The following FILIP1L variants were observed in gnomAD, a reference collection of about 807,000 sequenced individuals.
FILIP1L encodes the protein filamin A-interacting protein 1-like.
Under a neutral mutation model 96.6 loss-of-function variants are expected in FILIP1L, and 55 were observed. The observed-to-expected ratio is 0.57, with a 90% CI of 0.46 to 0.71. The LOEUF (loss-of-function observed/expected upper bound fraction) is 0.71. FILIP1L is among the 30% of genes least tolerant of loss of function. FILIP1L has a pLI of 0.00. For missense variants in FILIP1L, 1,304 were observed against 1,321.2 expected, an observed-to-expected ratio of 0.99 and a Z score of 0.20; for synonymous variants, 467 against 473.9, an observed-to-expected ratio of 0.99 and a Z score of 0.19.
chr3:99,858,934 A>G lies in FILIP1L; in HGVS notation c.606-7864T>C, dbSNP rs147903280. Among the ~76,000 whole-genome samples the G allele has an allele frequency of 1.4e-4, 22 of 152,296 alleles. 1 individual carries two copies. Among genetic ancestry groups the G allele is most frequent in the Middle Eastern group, 6.8e-3 (2 of 294 alleles). On this transcript the variant is annotated intron_variant, in intron 4 of 5. Transcript: ENST00000477258. ...TGCTTCATCCTGATGAAGTCCCCCAATTCACTGGCTTAGTCACTGCTTTGA... is the reference window on the plus strand; with the variant it reads ...TGCTTCATCCTGATGAAGTCCCCCAGTTCACTGGCTTAGTCACTGCTTTGA...
intron 4 of FILIP1L, among the ~76,000 whole-genome samples, chr3:99,870,552 G>A (rs1944736650): frequency 1.3e-5 from 2 of 152,198 alleles, no homozygotes; most frequent in African/African-American, 4.8e-5. Context: ...TGTGGTACCA[G>A]TCCATGCTAG....
chr3:100,039,852 C>G (rs2065173828), intron 1 of FILIP1L: 1 of 151,554 alleles, frequency 6.6e-6, no homozygotes, highest in African/African-American at 2.4e-5. Context: ...CTCCCAGGTT[C>G]ACACCATTCT....
At position 100,085,548 on chromosome 3, in the gene FILIP1L, C is replaced by T. The variant is rs184318673; in HGVS notation, c.-11+28505G>A. The stretch of plus-strand genomic sequence containing the variant: ...TCCCCATTTCTTCCTCTCTTATCAA[C>T]CAAGACCCCTCTGTGTTCCTCTTTC... On this transcript the variant is annotated intron_variant, in intron 1 of 5. Coordinates refer to ENST00000477258, the MANE Select transcript of FILIP1L (RefSeq NM_001387850.1). 1.2e-3 allele frequency among the ~76,000 whole-genome samples: 186 copies of T among 152,304 alleles called. 1 individual carries two copies. The highest frequency in any genetic ancestry group is 3.4e-3 in the Middle Eastern group (1 of 294).
At chr3:100,049,437 A>G (rs889055579) in intron 1 of FILIP1L, among the ~76,000 whole-genome samples, 1 of 152,192 alleles carries the variant, frequency 6.6e-6, no homozygotes, top group Admixed American at 6.5e-5. Flanking sequence ...ATATGGCACT[A>G]GAGTGTCATA....
chr3:99,981,619 C>T (rs758763983), intron 1 of FILIP1L, among the ~76,000 whole-genome samples: 3 of 152,182 alleles, frequency 2.0e-5, no homozygotes, highest in South Asian at 2.1e-4. Context: ...TATGAATCCC[C>T]GTTTTGCAAG....
intron 5 of FILIP1L, among the ~76,000 whole-genome samples, chr3:99,839,550 C>T (rs1259583411): frequency 1.3e-5 from 2 of 152,120 alleles, no homozygotes; most frequent in African/African-American, 4.8e-5. Context: ...AAAACCAATT[C>T]CCTTCTCCCC....
At chr3:100,006,622 A>G (rs1003934053) in intron 1 of FILIP1L, among the ~76,000 whole-genome samples, 3 of 151,974 alleles carry the variant, frequency 2.0e-5, no homozygotes, top group African/African-American at 7.2e-5. Context: ...GAATGATGAG[A>G]ATTCAGCTCA....
chr3:100,021,866 C>A (rs1187370821), intron 1 of FILIP1L, among the ~76,000 whole-genome samples: 3 of 148,920 alleles, frequency 2.0e-5, no homozygotes, highest in Non-Finnish European at 4.4e-5. Flanking sequence ...GGAAGAATAG[C>A]TGATACTTTA....
chr3:99,909,862 A>G (rs1054376602), intron 4 of FILIP1L, among the ~76,000 whole-genome samples: 25 of 152,148 alleles, frequency 1.6e-4, no homozygotes, highest in African/African-American at 5.3e-4. Context: ...ACAGTCTGCA[A>G]CCCCTTTCCT....
intron 1 of FILIP1L, among the ~76,000 whole-genome samples, chr3:100,066,770 A>G (rs1344776583): frequency 1.1e-5 from 1 of 94,538 alleles, no homozygotes; most frequent in Non-Finnish European, 2.5e-5. Flanking sequence ...TGACCTCGTG[A>G]TCCGCCCGCC....
intron 4 of FILIP1L, among the ~76,000 whole-genome samples, chr3:99,869,186 A>G (rs1477364029): frequency 6.6e-6 from 1 of 152,200 alleles, no homozygotes; most frequent in Non-Finnish European, 1.5e-5. Context: ...TGAAGAGAAG[A>G]ATTCACTTGG....
chr3:99,982,096 T>C (rs1399712698), intron 1 of FILIP1L, among the ~76,000 whole-genome samples: 1 of 152,252 alleles, frequency 6.6e-6, no homozygotes, highest in Non-Finnish European at 1.5e-5. Flanking sequence ...CGGTTGTTAG[T>C]CTTGGTTTTG....
intron 5 of FILIP1L, among the ~76,000 whole-genome samples, chr3:99,830,955 C>G (rs1269432501): frequency 1.3e-5 from 2 of 152,162 alleles, no homozygotes; most frequent in African/African-American, 2.4e-5. Context: ...ATGAGATTGT[C>G]TTTAAGAGTG....
intron 4 of FILIP1L, chr3:99,898,193 T>C (rs1706321335): frequency 6.6e-6 from 1 of 152,220 alleles, no homozygotes; most frequent in Admixed American, 6.5e-5. Flanking sequence ...TATTTTGACA[T>C]TTTTGAAGGT....
At chr3:100,073,304 A>G (rs2065792641) in intron 1 of FILIP1L, among the ~76,000 whole-genome samples, 1 of 152,220 alleles carries the variant, frequency 6.6e-6, no homozygotes, top group South Asian at 2.1e-4. Context: ...TTCTTGTGAT[A>G]GAGATTGCAT....
At chr3:99,925,149 A>G (rs928326819) in intron 3 of FILIP1L, among the ~76,000 whole-genome samples, 3 of 152,188 alleles carry the variant, frequency 2.0e-5, no homozygotes. Context: ...TCGCTCTACC[A>G]GGACATGCTA....
chr3:99,949,412 T>C (rs1708110423), intron 1 of FILIP1L, among the ~76,000 whole-genome samples: 1 of 152,264 alleles, frequency 6.6e-6, no homozygotes, highest in African/African-American at 2.4e-5. Flanking sequence ...CAGCTCTGTC[T>C]AAAAAGTCAG....
At chr3:99,890,434 T>A (rs1385938695) in intron 4 of FILIP1L, among the ~76,000 whole-genome samples, 6 of 152,146 alleles carry the variant, frequency 3.9e-5, no homozygotes, top group Admixed American at 2.0e-4. Context: ...TATTAACATT[T>A]CAAATATGGC....
At chr3:100,026,106 C>T (rs904010559) in intron 1 of FILIP1L, among the ~76,000 whole-genome samples, 17 of 151,918 alleles carry the variant, frequency 1.1e-4, no homozygotes, top group East Asian at 1.9e-4. Flanking sequence ...CTTTTTACCA[C>T]GAGGCTGGAC....
Sources: allele counts gnomAD v4.1 joint callset (sites outside exome capture counted in the v4.1 genomes callset), GRCh38; gene constraint gnomAD v4.1.1; transcripts MANE v1.5; gene names NCBI Gene and HGNC (gene_info 2026-07-23, HGNC 2026-07-21).